Variants in GRM1 observed in about 807,000 individuals in gnomAD.
GRM1 encodes the protein glutamate metabotropic receptor 1, also known as metabotropic glutamate receptor 1.
Under a neutral mutation model 90.9 loss-of-function variants are expected in GRM1, and 33 were observed. That is an observed-to-expected ratio of 0.36 (90% CI 0.28 to 0.49). The LOEUF (loss-of-function observed/expected upper bound fraction) is 0.49. Among genes scored for constraint, GRM1 ranks in the 20% least tolerant of loss-of-function variants. The pLI, the probability that GRM1 is intolerant of heterozygous loss-of-function variation, is 0.99. For missense variants in GRM1, 1,190 were observed against 1,534.3 expected, an observed-to-expected ratio of 0.78 and a Z score of 3.75; for synonymous variants, 700 against 613.2, an observed-to-expected ratio of 1.14 and a Z score of -2.09.
At chr6:146,397,303 T>C (rs1172454189) in intron 6 of GRM1, among the ~76,000 whole-genome samples, 2 of 151,062 alleles carry the variant, frequency 1.3e-5, no homozygotes, top group African/African-American at 2.4e-5. Flanking sequence ...TGAAACCCCG[T>C]CTCTAGTAAA....
intron 1 of GRM1, among the ~76,000 whole-genome samples, chr6:146,140,125 C>G (rs981735398): frequency 1.2e-4 from 14 of 120,818 alleles, no homozygotes; most frequent in Non-Finnish European, 1.6e-4. Context: ...TTCTTTCTTT[C>G]TTTCTTTCTT....
intron 7 of GRM1, among the ~76,000 whole-genome samples, chr6:146,424,777 A>C (rs76506501): frequency 0.016 from 2,497 of 152,294 alleles, 85 homozygotes; most frequent in African/African-American, 0.057. Flanking sequence ...AAGAACATGC[A>C]AACAAGGCAA....
intron 1 of GRM1, among the ~76,000 whole-genome samples, chr6:146,091,759 A>G (rs766508503): frequency 6.6e-5 from 10 of 152,238 alleles, no homozygotes; most frequent in Non-Finnish European, 7.4e-5. Flanking sequence ...GAAAAAGTCT[A>G]TCTGAAGAAT....
At position 146,399,758 on chromosome 6, in the gene GRM1, TC is replaced by T; in HGVS notation, c.2660+60del. On this transcript the variant is annotated intron_variant, in intron 7 of 7. Coordinates refer to ENST00000282753, the MANE Select transcript of GRM1 (RefSeq NM_001278064.2). The surrounding 1 kb of genome is among the most constrained non-coding windows in gnomAD (Gnocchi z 5.4). ...CTTCCTTTCTCTGTCTCTTTCTCTC[TC>T]TCTCTCTCTCTCTCTTTCTCTGTCT... 1 of 1,087,828 alleles carries T rather than the reference TC, an allele frequency of 9.2e-7. No individual in the cohort carries two copies. The allele number at this position is 1,087,828 out of a possible 1,614,324, so 67.4% of individuals were successfully genotyped here.
chr6:146,208,592 G>A (rs909798090), intron 2 of GRM1, among the ~76,000 whole-genome samples: 2 of 151,842 alleles, frequency 1.3e-5, no homozygotes, highest in African/African-American at 4.8e-5. Flanking sequence ...TACTCATGTC[G>A]GGGTCTTGAT....
intron 2 of GRM1, among the ~76,000 whole-genome samples, chr6:146,287,041 CAG>C (rs1476323264): frequency 1.3e-5 from 2 of 152,128 alleles, no homozygotes; most frequent in Non-Finnish European, 2.9e-5. Flanking sequence ...TCATTTGACT[CAG>C]GGAGAAAAAA....
intron 3 of GRM1, among the ~76,000 whole-genome samples, chr6:146,332,126 T>C (rs1202739451): frequency 6.6e-6 from 1 of 152,210 alleles, no homozygotes; most frequent in Non-Finnish European, 1.5e-5. Flanking sequence ...AGTATCTTTT[T>C]ATAGTTGGCT....
chr6:146,161,234 A>T (rs945578424), intron 2 of GRM1, among the ~76,000 whole-genome samples: 1 of 152,122 alleles, frequency 6.6e-6, no homozygotes, highest in African/African-American at 2.4e-5. Context: ...TAATATCCTC[A>T]AAAAAGGGTT....
intron 1 of GRM1, among the ~76,000 whole-genome samples, chr6:146,140,541 T>A (rs1776835893): frequency 6.6e-6 from 1 of 152,190 alleles, no homozygotes; most frequent in Non-Finnish European, 1.5e-5. Flanking sequence ...AATTCTGGGA[T>A]TATAGGCATG....
At chr6:146,424,026 G>A (rs934273540) in intron 7 of GRM1, among the ~76,000 whole-genome samples, 1 of 152,120 alleles carries the variant, frequency 6.6e-6, no homozygotes, top group African/African-American at 2.4e-5. Flanking sequence ...TCAGCCCACA[G>A]GCTGCCAGGT....
rs189245684 is a variant in GRM1 at position 146,437,196 on chromosome 6, A to G, written c.*2400A>G. ...TTATTTTTTACTCTTAATGCCACTAATATACATCCCTAATATCACAGGGCT... is the reference window on the plus strand; with the variant it reads ...TTATTTTTTACTCTTAATGCCACTAGTATACATCCCTAATATCACAGGGCT... On this transcript the variant is annotated 3_prime_UTR_variant, in exon 8 of 8. Transcript: ENST00000282753. 2.0e-3 allele frequency: 308 copies of G among 152,302 alleles called. 2 individuals are homozygous for G. The highest frequency in any genetic ancestry group is 7.1e-3 in the African/African-American group (296 of 41,574). 9.4% of individuals were successfully genotyped at this position (152,302 alleles called of 1,614,324 possible). A position where few individuals can be genotyped will look rare whatever the true frequency, so the allele number is the denominator to read the frequency against.
intron 2 of GRM1, among the ~76,000 whole-genome samples, chr6:146,197,636 T>C (rs1184185372): frequency 6.6e-6 from 1 of 152,248 alleles, no homozygotes; most frequent in Non-Finnish European, 1.5e-5. Flanking sequence ...TTTTAGACTT[T>C]ATTATAAGAA....
intron 1 of GRM1, among the ~76,000 whole-genome samples, chr6:146,077,267 C>T (rs1019957804): frequency 6.6e-6 from 1 of 152,192 alleles, no homozygotes; most frequent in Admixed American, 6.5e-5. Flanking sequence ...ACCACCATTG[C>T]TAACGCACAC....
At chr6:146,406,588 G>C (rs1382047056) in intron 7 of GRM1, among the ~76,000 whole-genome samples, 1 of 152,080 alleles carries the variant, frequency 6.6e-6, no homozygotes, top group Non-Finnish European at 1.5e-5. Flanking sequence ...TAGCATTTTG[G>C]GAGGCTGAGG....
intron 3 of GRM1, among the ~76,000 whole-genome samples, chr6:146,320,551 T>C (rs973775036): frequency 6.6e-6 from 1 of 152,182 alleles, no homozygotes; most frequent in Non-Finnish European, 1.5e-5. Flanking sequence ...TAGCAGCAAC[T>C]CTTTGTACCT....
Position 146,029,568 on chromosome 6 carries a change from C to G in GRM1, c.51C>G (p.Ser17=). 1.2e-6 allele frequency: 2 copies of G among 1,614,086 alleles called. No individual in the cohort carries two copies. Among genetic ancestry groups the G allele is most frequent in the Non-Finnish European group, 1.7e-6 (2 of 1,180,024 alleles). ...TCCCAGCGATCTTTTTGGAGGTGTC[C>G]CTTCTCCCCAGAAGCCCCGGCAGGA... ...FFFPAIFLEV[S]LLPRSPGRKV... The change falls in exon 1 of 8, where the codon TCC becomes TCG. Residue 17 remains serine (S), a synonymous_variant. Coordinates refer to ENST00000282753, the MANE Select transcript of GRM1 (RefSeq NM_001278064.2).
At chr6:146,155,683 C>T (rs1194160364) in intron 1 of GRM1, among the ~76,000 whole-genome samples, 2 of 152,136 alleles carry the variant, frequency 1.3e-5, no homozygotes, top group Non-Finnish European at 1.5e-5. Flanking sequence ...ATGGAAATAG[C>T]ATGCATGAGT....
chr6:146,387,308 C>T (rs1776544474), intron 6 of GRM1, among the ~76,000 whole-genome samples: 1 of 151,888 alleles, frequency 6.6e-6, no homozygotes, highest in Admixed American at 6.6e-5. Flanking sequence ...TTCTGGCCAC[C>T]TGAATTTATA....
chr6:146,028,082 G>A (rs1281037872), upstream of GRM1, among the ~76,000 whole-genome samples: 2 of 152,092 alleles, frequency 1.3e-5, no homozygotes, highest in Non-Finnish European at 2.9e-5. Context: ...AGCAGGGGAG[G>A]AACGGGAGAG....
Sources: gnomAD v4.1 joint callset for allele counts (sites outside exome capture counted in the v4.1 genomes callset) on GRCh38, gnomAD v4.1.1 for gene constraint, Gnocchi (gnomAD v3.1) non-coding constraint, MANE v1.5 for transcripts, NCBI Gene and HGNC (gene_info 2026-07-23, HGNC 2026-07-21) for gene names.